Variants in TACC1 observed in about 807,000 individuals in gnomAD.
TACC1 encodes transforming acidic coiled-coil-containing protein 1.
In TACC1, 48 loss-of-function variants were observed where a neutral mutation model predicts 84.4. That is an observed-to-expected ratio of 0.57 (90% confidence interval 0.45 to 0.72). The LOEUF is 0.72. Among genes scored for constraint, TACC1 ranks in the 30% least tolerant of loss-of-function variants. TACC1 has a pLI of 0.00. For missense variants in TACC1, 920 were observed against 973.0 expected (o/e 0.95, Z 0.72); for synonymous variants, 372 against 376.3 (o/e 0.99, Z 0.13).
In TACC1 at chr8:38,852,070, G is replaced by A. The variant is rs13439176; in HGVS notation, c.*4047G>A. 1.2e-3 allele frequency: 480 copies of A among 409,766 alleles called. 5 individuals are homozygous for A. Among genetic ancestry groups the A allele is most frequent in the African/African-American group, 8.3e-3 (402 of 48,598 alleles). 25.4% of individuals were successfully genotyped at this position (409,766 alleles called of 1,614,324 possible). On this transcript the variant is annotated 3_prime_UTR_variant, in exon 13 of 13. Coordinates refer to ENST00000317827, the MANE Select transcript of TACC1 (RefSeq NM_006283.3). The stretch of plus-strand genomic sequence containing the variant: ...ATCTCCTCTGGAAGAGACTATCAGC[G>A]GCAGCATTCTCCAGGGAAGACCCAT...
upstream of TACC1, among the ~76,000 whole-genome samples, chr8:38,783,327 G>C (rs1816503837): frequency 6.6e-6 from 1 of 151,878 alleles, no homozygotes; most frequent in South Asian, 2.1e-4. Flanking sequence ...TCTGGGCAAG[G>C]GTCTTTCAGC....
At chr8:38,813,190 A>G (rs1200224095) in intron 2 of TACC1, among the ~76,000 whole-genome samples, 1 of 152,194 alleles carries the variant, frequency 6.6e-6, no homozygotes, top group African/African-American at 2.4e-5. Context: ...CTTGATCCAC[A>G]TTCCTCTAAG....
intron 2 of TACC1, among the ~76,000 whole-genome samples, chr8:38,809,443 C>G (rs2152117628): frequency 6.6e-6 from 1 of 152,216 alleles, no homozygotes; most frequent in Non-Finnish European, 1.5e-5. Flanking sequence ...TTTCCTCCCC[C>G]TTCCCTAGCT....
At position 38,798,698 on chromosome 8, in the gene TACC1, G is replaced by A. The variant is rs140813562; in HGVS notation, c.277+9879G>A. The stretch of plus-strand genomic sequence containing the variant: ...GCTTAAAACTATGATGTACCTAAGA[G>A]GATGGTCTGCCTTGACTCACCCACT... On this transcript the variant is annotated intron_variant, in intron 2 of 12. Transcript: ENST00000317827. 1.8e-3 allele frequency among the ~76,000 whole-genome samples: 270 copies of A among 151,742 alleles called. 1 individual carries two copies. The highest frequency in any genetic ancestry group is 6.2e-3 in the African/African-American group (257 of 41,322).
At chr8:38,732,248 G>C (rs1586983810) in intron 1 of TACC1, among the ~76,000 whole-genome samples, 1 of 152,020 alleles carries the variant, frequency 6.6e-6, no homozygotes, top group South Asian at 2.1e-4. Flanking sequence ...TACCTTTGTA[G>C]TTGTGGAAAT....
intron 2 of TACC1, among the ~76,000 whole-genome samples, chr8:38,802,758 G>A (rs1182279804): frequency 6.6e-6 from 1 of 152,184 alleles, no homozygotes; most frequent in Admixed American, 6.5e-5. Flanking sequence ...CATGGTGAGA[G>A]ACGAGAAGGA....
intron 2 of TACC1, among the ~76,000 whole-genome samples, chr8:38,744,701 A>G (rs1807732607): frequency 6.6e-6 from 1 of 150,702 alleles, no homozygotes; most frequent in African/African-American, 2.4e-5. Flanking sequence ...AAAATTGCCC[A>G]TCAGGGTCCA....
chr8:38,735,383 CT>C (rs952182958), intron 1 of TACC1, among the ~76,000 whole-genome samples: 1 of 152,168 alleles, frequency 6.6e-6, no homozygotes, highest in African/African-American at 2.4e-5. Context: ...TTAGAAATCA[CT>C]CTCCACCGTT....
intron 2 of TACC1, among the ~76,000 whole-genome samples, chr8:38,818,120 G>A (rs1409236982): frequency 6.6e-6 from 1 of 151,278 alleles, no homozygotes; most frequent in Non-Finnish European, 1.5e-5. Flanking sequence ...CTGTGGTCCC[G>A]GTTACTTGGG....
chr8:38,820,216 C>T lies in TACC1; in HGVS notation c.972C>T (p.Phe324=). 5 of 1,614,006 alleles carry T rather than the reference C, an allele frequency of 3.1e-6. No individual in the cohort carries two copies. The highest frequency in any genetic ancestry group is 3.4e-6 in the Non-Finnish European group (4 of 1,179,972). The change falls in exon 3 of 13, where the codon TTC becomes TTT. Residue 324 remains phenylalanine, a synonymous_variant. Transcript: ENST00000317827. ...CACCTCTCAAGCTTGAGTTTGATTT[C>T]ACAGAAGATACAGGAAACATAGAGG... The part of the protein sequence containing the change: ...RSSPLKLEFD[F]TEDTGNIEAR...
intron 3 of TACC1, among the ~76,000 whole-genome samples, chr8:38,821,863 A>G (rs773559259): frequency 2.0e-5 from 3 of 152,126 alleles, no homozygotes; most frequent in Non-Finnish European, 2.9e-5. Flanking sequence ...GAAACCTACT[A>G]CACACCTAGG....
chr8:38,780,631 G>T (rs1459762045), intron 3 of TACC1, among the ~76,000 whole-genome samples: 11 of 143,604 alleles, frequency 7.7e-5, no homozygotes, highest in African/African-American at 7.7e-5. Context: ...GTTTTTTTTT[G>T]TTTTTTTTTT....
intron 1 of TACC1, among the ~76,000 whole-genome samples, chr8:38,735,543 G>A (rs914205963): frequency 6.6e-6 from 1 of 152,058 alleles, no homozygotes; most frequent in African/African-American, 2.4e-5. Flanking sequence ...TTCCTTTCCC[G>A]CTGCTTCCAT....
chr8:38,832,482 C>T lies in TACC1; in HGVS notation c.1713+1305C>T, dbSNP rs188022107. Among the ~76,000 whole-genome samples the T allele has an allele frequency of 2.6e-5, 4 of 152,342 alleles. No individual in the cohort carries two copies. The East Asian group carries it at 5.8e-4, about 22-fold the overall frequency. On this transcript the variant is annotated intron_variant, in intron 6 of 12. Coordinates refer to ENST00000317827, the MANE Select transcript of TACC1 (RefSeq NM_006283.3). ...CTGCTTCCTTAGAACATTGAATAAA[C>T]ATTGTATAAAGAAATTTCACCATGC...
chr8:38,810,274 T>G (rs1823769521), intron 2 of TACC1, among the ~76,000 whole-genome samples: 2 of 152,142 alleles, frequency 1.3e-5, no homozygotes, highest in Admixed American at 1.3e-4. Flanking sequence ...TTATCTTACA[T>G]TAGATTCATA....
Position 38,787,635 on chromosome 8 carries a change from C to T in TACC1, c.53C>T (p.Thr18Met). 1 of 1,549,456 alleles carries T rather than the reference C, an allele frequency of 6.5e-7. No individual in the cohort carries two copies. Among genetic ancestry groups the T allele is most frequent in the Non-Finnish European group, 8.7e-7 (1 of 1,146,866 alleles). Residue 18 changes from threonine to methionine, a missense_variant, in exon 1 of 13, where the codon ACG becomes ATG. Coordinates refer to ENST00000317827, the MANE Select transcript of TACC1 (RefSeq NM_006283.3). ...ILSPVQWAKW[T>M]WSAVRGGAAG... ...TCCCCCGTGCAGTGGGCGAAATGGA[C>T]GTGGTCTGCGGTACGCGGCGGGGCC... is the stretch of plus-strand genomic sequence containing the variant.
intron 3 of TACC1, among the ~76,000 whole-genome samples, chr8:38,762,659 C>T (rs1421569587): frequency 3.3e-5 from 5 of 151,978 alleles, no homozygotes; most frequent in East Asian, 3.9e-4. Flanking sequence ...CAAATTCAAG[C>T]GATTCTTCTG....
intron 3 of TACC1, among the ~76,000 whole-genome samples, chr8:38,776,655 A>G (rs1308893592): frequency 6.6e-6 from 1 of 152,232 alleles, no homozygotes. Context: ...GACTGGCCAC[A>G]TGAAATTAGG....
Position 38,827,367 on chromosome 8 carries a change from C to T in TACC1, c.1652C>T (p.Ser551Leu). The change falls in exon 5 of 13, where the codon TCA becomes TTA. Residue 551 changes from serine to leucine, a missense_variant. Transcript: ENST00000317827. ...ACCATAAATCATGCGTTTTCATCCTCAGAAGCAGGTATGGAAGCATATCTT... is the reference window on the plus strand; with the variant it reads ...ACCATAAATCATGCGTTTTCATCCTTAGAAGCAGGTATGGAAGCATATCTT... ...VSTINHAFSS[S>L]EAGIEKETCQ... is the part of the protein sequence containing the mutation. The T allele has an allele frequency of 6.2e-7, 1 of 1,614,144 alleles. No individual in the cohort carries two copies.
Sources: allele counts gnomAD v4.1 joint callset (sites outside exome capture counted in the v4.1 genomes callset), GRCh38; gene constraint gnomAD v4.1.1; transcripts MANE v1.5; gene names NCBI Gene and HGNC (gene_info 2026-07-23, HGNC 2026-07-21).